VPS41: variants seen among roughly 807,000 people sequenced by gnomAD.
VPS41 encodes the protein vacuolar protein sorting-associated protein 41 homolog.
In VPS41, 85 loss-of-function variants were observed where a neutral mutation model predicts 130.9. That is an observed-to-expected ratio of 0.65 (90% CI 0.55 to 0.78). The LOEUF (loss-of-function observed/expected upper bound fraction) is 0.78. Ranked by LOEUF, VPS41 falls within the 30% of genes least tolerant of loss-of-function variation. The probability of loss-of-function intolerance (pLI) is 0.00; values close to 1 mark genes in which losing one functional copy is unlikely to be tolerated. For missense variants in VPS41, 874 were observed against 1,018.7 expected, an observed-to-expected ratio of 0.86 and a Z score of 1.93; for synonymous variants, 335 against 332.9, an observed-to-expected ratio of 1.01 and a Z score of -0.07.
chr7:38,894,453 T>C (rs903569338), intron 2 of VPS41, among the ~76,000 whole-genome samples: 6 of 148,944 alleles, frequency 4.0e-5, no homozygotes, highest in South Asian at 4.4e-4. Flanking sequence ...GAGGCTAGGG[T>C]TGGGGGGAAG....
chr7:38,787,743 T>C (rs1257622155), intron 10 of VPS41, among the ~76,000 whole-genome samples: 2 of 152,176 alleles, frequency 1.3e-5, no homozygotes, highest in African/African-American at 2.4e-5. Context: ...AAGGAAATTG[T>C]AATCCAGACC....
intron 9 of VPS41, among the ~76,000 whole-genome samples, chr7:38,791,912 T>C (rs1017776415): frequency 2.6e-5 from 4 of 152,090 alleles, no homozygotes; most frequent in African/African-American, 4.8e-5. Flanking sequence ...TTGAGAGACA[T>C]TGACAGAACT....
At chr7:38,870,092 C>G (rs1786318051) in intron 2 of VPS41, among the ~76,000 whole-genome samples, 1 of 152,134 alleles carries the variant, frequency 6.6e-6, no homozygotes, top group Non-Finnish European at 1.5e-5. Context: ...GCTGAGAACC[C>G]AAGCTCTGCC....
intron 2 of VPS41, among the ~76,000 whole-genome samples, chr7:38,895,333 A>C (rs1010389352): frequency 1.3e-5 from 2 of 152,094 alleles, no homozygotes; most frequent in Non-Finnish European, 2.9e-5. Flanking sequence ...AAAAAAATAA[A>C]AATAAAAAAA....
intron 15 of VPS41, 127 bp from the exon 16 acceptor site, chr7:38,765,788 A>C: frequency 1.7e-6 from 1 of 601,096 alleles, no homozygotes; most frequent in Non-Finnish European, 2.8e-6. Context: ...AGTTTTGATG[A>C]ATTTCTATCT....
At chr7:38,806,011 G>C (rs1313658832) in intron 7 of VPS41, among the ~76,000 whole-genome samples, 1 of 152,050 alleles carries the variant, frequency 6.6e-6, no homozygotes, top group Non-Finnish European at 1.5e-5. Context: ...AATACAATCA[G>C]ACAAATCACA....
At chr7:38,817,704 C>A in intron 7 of VPS41, 113 bp downstream of exon 7, 1 of 911,412 alleles carries the variant, frequency 1.1e-6, no homozygotes, top group South Asian at 1.3e-5. Context: ...ATTTGTCTTT[C>A]TCGAATTTCT....
chr7:38,772,582 C>A lies in VPS41; in HGVS notation c.1068G>T (p.Val356=), dbSNP rs1481888049. ...GATCATCTTGGTCTCGTTCCTTGGC[C>A]ACTACAACATCTCTCGGACTCACGA... The part of the protein sequence containing the change: ...FYIVSPRDVV[V]AKERDQDDHI... Residue 356 remains valine (V), a synonymous_variant, in exon 13 of 29, where the codon GTG becomes GTT. Coordinates refer to ENST00000310301, the MANE Select transcript of VPS41 (RefSeq NM_014396.4). 1 of 1,613,550 alleles carries A rather than the reference C, an allele frequency of 6.2e-7. No homozygotes were observed. The highest frequency in any genetic ancestry group is 1.3e-5 in the African/African-American group (1 of 75,012).
intron 5 of VPS41, among the ~76,000 whole-genome samples, chr7:38,823,001 T>C (rs1440640957): frequency 2.7e-4 from 41 of 152,234 alleles, no homozygotes; most frequent in Non-Finnish European, 7.3e-5. Flanking sequence ...TATTCTTCTT[T>C]AACTTTTGTA....
chr7:38,778,601 T>C (rs1023779979), intron 10 of VPS41, among the ~76,000 whole-genome samples: 2 of 152,200 alleles, frequency 1.3e-5, no homozygotes. Context: ...CATTCTGTTT[T>C]ACTAAATCAC....
At chr7:38,792,779 G>A (rs892328795) in intron 9 of VPS41, among the ~76,000 whole-genome samples, 13 of 151,914 alleles carry the variant, frequency 8.6e-5, no homozygotes, top group African/African-American at 2.7e-4. Context: ...ACTTCTCAAG[G>A]GCCCCTGGGC....
At chr7:38,793,829 A>T (rs1183035435) in intron 9 of VPS41, among the ~76,000 whole-genome samples, 1 of 151,974 alleles carries the variant, frequency 6.6e-6, no homozygotes, top group South Asian at 2.1e-4. Context: ...CCTCTCTTCC[A>T]TGTTAGCATC....
chr7:38,876,404 A>G (rs1188960516), intron 2 of VPS41, among the ~76,000 whole-genome samples: 2 of 152,158 alleles, frequency 1.3e-5, no homozygotes, highest in South Asian at 2.1e-4. Context: ...ATATGCATAT[A>G]TGGGGGGAAG....
In VPS41 at chr7:38,754,963, C is replaced by A. The variant is rs1316739362; in HGVS notation, c.1696-27G>T. On this transcript the variant is annotated intron_variant, in intron 19 of 28. Transcript: ENST00000310301. ...TGAAACATATAAGAAAAGCCACAGT[C>A]AATGAAATCCGTTATTTAAGAAGAG... is the stretch of plus-strand genomic sequence containing the variant. The A allele has an allele frequency of 2.5e-6, 4 of 1,609,196 alleles. No individual in the cohort carries two copies. In the South Asian group the frequency reaches 3.3e-5, roughly 13 times the overall value.
In VPS41 at chr7:38,811,903, G is replaced by A. The variant is rs925733440; in HGVS notation, c.450+5914C>T. Reference sequence around the variant, plus strand: ...ACAATGATTAAATTTTTCACTTTCAGTCTTCAATAAATTACATTATATATT... The same window carrying A: ...ACAATGATTAAATTTTTCACTTTCAATCTTCAATAAATTACATTATATATT... On this transcript the variant is annotated intron_variant, in intron 7 of 28. Coordinates refer to ENST00000310301, the MANE Select transcript of VPS41 (RefSeq NM_014396.4). Among the ~76,000 whole-genome samples the A allele has an allele frequency of 1.6e-3, 238 of 151,960 alleles. 1 individual carries two copies. The highest frequency in any genetic ancestry group is 4.4e-4 in the Non-Finnish European group (30 of 67,866).
chr7:38,823,025 G>A (rs1225277930), intron 5 of VPS41, among the ~76,000 whole-genome samples: 3 of 152,132 alleles, frequency 2.0e-5, no homozygotes, highest in Non-Finnish European at 4.4e-5. Flanking sequence ...ATTCACTGGT[G>A]AAGCCATCTA....
chr7:38,787,076 T>G (rs767119202), intron 10 of VPS41, among the ~76,000 whole-genome samples: 4 of 152,200 alleles, frequency 2.6e-5, no homozygotes, highest in Non-Finnish European at 4.4e-5. Flanking sequence ...GTAAAAAAGA[T>G]TTCCCTTCTT....
At chr7:38,873,487 C>T (rs890165642) in intron 2 of VPS41, among the ~76,000 whole-genome samples, 6 of 152,028 alleles carry the variant, frequency 3.9e-5, no homozygotes, top group East Asian at 3.9e-4. Context: ...TGGACTTCCA[C>T]GGTAAACAAC....
At chr7:38,727,806 T>A (rs987681788) in intron 27 of VPS41, among the ~76,000 whole-genome samples, 5 of 152,250 alleles carry the variant, frequency 3.3e-5, no homozygotes, top group African/African-American at 1.2e-4. Context: ...AAAGCATTTG[T>A]TAGCATCCTA....
Sources: gnomAD v4.1 joint callset for allele counts (sites outside exome capture counted in the v4.1 genomes callset) on GRCh38, gnomAD v4.1.1 for gene constraint, MANE v1.5 for transcripts, NCBI Gene and HGNC (gene_info 2026-07-23, HGNC 2026-07-21) for gene names.